Variants in PCGF3 observed in about 807,000 individuals in gnomAD.
PCGF3 encodes the protein polycomb group ring finger 3, also known as polycomb group RING finger protein 3.
PCGF3 carries 7 observed loss-of-function variants against 33.1 expected under a neutral mutation model. That is an observed-to-expected ratio of 0.21 (90% CI 0.12 to 0.40). The LOEUF is 0.40. PCGF3 is among the 10% of genes least tolerant of loss of function. The pLI, the probability that PCGF3 is intolerant of heterozygous loss-of-function variation, is 1.00. For synonymous variants in PCGF3, 153 were observed against 121.3 expected, an observed-to-expected ratio of 1.26 and a Z score of -1.72; for missense variants, 211 against 313.3, an observed-to-expected ratio of 0.67 and a Z score of 2.46.
In PCGF3 at chr4:734,327, C is replaced by G. The variant is rs537402695; in HGVS notation, c.109+538C>G. Reference sequence around the variant, plus strand: ...ACCTGAGGCCCCATGGCTGGCGGCCCTGCTGGTGTGGACGACCGCTGTGTG... The same window carrying G: ...ACCTGAGGCCCCATGGCTGGCGGCCGTGCTGGTGTGGACGACCGCTGTGTG... On this transcript the variant is annotated intron_variant, in intron 4 of 10. Coordinates refer to ENST00000362003, the Ensembl canonical transcript of PCGF3. 45 of 1,443,128 alleles carry G rather than the reference C, an allele frequency of 3.1e-5. No individual in the cohort carries two copies. The South Asian group carries it at 5.1e-4, about 16-fold the overall frequency. The allele number at this position is 1,443,128 out of a possible 1,614,324, so 89.4% of individuals were successfully genotyped here.
In PCGF3 at chr4:706,299, A is replaced by C. The variant is rs374801813; in HGVS notation, c.-190+329A>C. ...CCCAGGCAGGACTCCGGGAGGTCGA[A>C]GACCCCAGCCCAGGCAGGACCCAGG... On this transcript the variant is annotated intron_variant, in intron 1 of 10. Coordinates refer to ENST00000362003, the Ensembl canonical transcript of PCGF3. Among the ~76,000 whole-genome samples, 20 of 137,178 alleles carry C rather than the reference A, an allele frequency of 1.5e-4. No homozygotes were observed. In the East Asian group the frequency reaches 3.0e-3, roughly 20 times the overall value. 90.0% of individuals were successfully genotyped at this position (137,178 alleles called of 152,430 possible). A position where few individuals can be genotyped will look rare whatever the true frequency, so the allele number is the denominator to read the frequency against.
exon 11 of PCGF3, chr4:766,412 A>AAAATCTGAATTCACTTCAG (rs1745376281): frequency 4.3e-6 from 1 of 231,328 alleles, no homozygotes; most frequent in Non-Finnish European, 8.4e-6. Context: ...CCAGGTCTTG[A>AAAATCTGAATTCACTTCAG]AAATCTGAAT....
At chr4:754,252 T>C (rs917864532) in intron 8 of PCGF3, among the ~76,000 whole-genome samples, 2 of 152,196 alleles carry the variant, frequency 1.3e-5, no homozygotes, top group African/African-American at 4.8e-5. Context: ...CTCTTGTGTC[T>C]GGAGCTGGAA....
intron 1 of PCGF3, among the ~76,000 whole-genome samples, chr4:716,994 G>A (rs1157074668): frequency 2.1e-5 from 3 of 144,092 alleles, no homozygotes; most frequent in East Asian, 2.1e-4. Flanking sequence ...TAGACACTGA[G>A]GGTGAGAACT....
At chr4:733,832 C>A in intron 4 of PCGF3, 43 bp downstream of exon 4, 1 of 1,613,484 alleles carries the variant, frequency 6.2e-7, no homozygotes, top group Non-Finnish European at 8.5e-7. Flanking sequence ...CGCGCCCTTC[C>A]CAGCTCTGTG....
chr4:707,225 G>A (rs1011341069), intron 1 of PCGF3, among the ~76,000 whole-genome samples: 1 of 151,974 alleles, frequency 6.6e-6, no homozygotes, highest in Non-Finnish European at 1.5e-5. Context: ...GCCCGGGGGG[G>A]CTAGGACCCT....
chr4:733,761 C>T, exon 4 of PCGF3: 1 of 1,613,616 alleles, frequency 6.2e-7, no homozygotes, highest in Non-Finnish European at 8.5e-7. Context: ...TCATCGACGC[C>T]ACCACGGTGA....
exon 11 of PCGF3, chr4:767,663 C>T (rs1745441129): frequency 6.6e-6 from 1 of 152,212 alleles, no homozygotes. Flanking sequence ...GAGTGATTGT[C>T]AGTGTAAGGC....
intron 8 of PCGF3, among the ~76,000 whole-genome samples, chr4:748,433 G>A (rs372818835): frequency 1.2e-4 from 19 of 152,250 alleles, no homozygotes; most frequent in South Asian, 1.0e-3. Context: ...CTTCTGGCCC[G>A]CCTCAGCCTC....
intron 1 of PCGF3, among the ~76,000 whole-genome samples, chr4:730,377 C>G (rs1225245295): frequency 6.6e-6 from 1 of 152,204 alleles, no homozygotes; most frequent in East Asian, 1.9e-4. Flanking sequence ...GCTGCCCCCC[C>G]ACCCCCGTGG....
In PCGF3 at chr4:735,121, C is replaced by T. The variant is rs1743772284; in HGVS notation, c.206+94C>T. ...TTCCCAGGCCATTAGCGCTGTACTC[C>T]CATCCTGCCTTGGCAGCAGCCTCTC... On this transcript the variant is annotated intron_variant, in intron 5 of 10. Coordinates refer to ENST00000362003, the Ensembl canonical transcript of PCGF3. The T allele has an allele frequency of 2.2e-6, 3 of 1,362,034 alleles. No individual in the cohort carries two copies. The South Asian group carries it at 4.1e-5, about 18-fold the overall frequency. 84.4% of individuals were successfully genotyped at this position (1,362,034 alleles called of 1,614,324 possible). A position where few individuals can be genotyped will look rare whatever the true frequency, so the allele number is the denominator to read the frequency against.
At chr4:732,793 G>A (rs992620848) in intron 3 of PCGF3, among the ~76,000 whole-genome samples, 12 of 152,228 alleles carry the variant, frequency 7.9e-5, no homozygotes, top group African/African-American at 2.4e-5. Flanking sequence ...TGTGGGGAGC[G>A]AAGTCCCAGT....
At chr4:729,789 G>A (rs572374587) in intron 1 of PCGF3, among the ~76,000 whole-genome samples, 8 of 152,342 alleles carry the variant, frequency 5.3e-5, no homozygotes, top group Non-Finnish European at 8.8e-5. Context: ...TACAAACGGG[G>A]TAGAAAATGA....
In PCGF3 at chr4:736,276, G is replaced by A. The variant is rs1015874672; in HGVS notation, c.207-1190G>A. On this transcript the variant is annotated intron_variant, in intron 5 of 10. Coordinates refer to ENST00000362003, the Ensembl canonical transcript of PCGF3. ...TTGGCCAGGCTGGTTTCAAACTCCT[G>A]ATCTCAGGTCATCTGCCCGCCTCAG... is the stretch of plus-strand genomic sequence containing the variant. Among the ~76,000 whole-genome samples, 8 of 152,126 alleles carry A rather than the reference G, an allele frequency of 5.3e-5. No homozygotes were observed. In the East Asian group the frequency reaches 1.4e-3, roughly 26 times the overall value.
At chr4:707,466 C>CT (rs1470419206) in intron 1 of PCGF3, among the ~76,000 whole-genome samples, 1 of 150,890 alleles carries the variant, frequency 6.6e-6, no homozygotes, top group African/African-American at 2.4e-5. Context: ...CCTGAGACAG[C>CT]CCTGTTTTCC....
intron 8 of PCGF3, among the ~76,000 whole-genome samples, chr4:748,920 G>C (rs576229920): frequency 5.3e-5 from 8 of 152,198 alleles, no homozygotes; most frequent in Admixed American, 2.0e-4. Context: ...GGGTCTGCTG[G>C]GTGGGCTGGT....
intron 4 of PCGF3, chr4:734,373 G>A (rs1285993932): frequency 5.7e-6 from 8 of 1,402,714 alleles, no homozygotes; most frequent in African/African-American, 4.3e-5. Flanking sequence ...TGGCTGGGGA[G>A]CATTTTGTTT....
rs751340110 is a variant in PCGF3, at chr4:721,341, C to A, written c.-189-9289C>A. Among the ~76,000 whole-genome samples, 3 of 152,108 alleles carry A rather than the reference C, an allele frequency of 2.0e-5. No individual in the cohort carries two copies. The highest frequency in any genetic ancestry group is 2.9e-5 in the Non-Finnish European group (2 of 68,014). The stretch of plus-strand genomic sequence containing the variant: ...CAAACAACAGAAACTTCAAGGCTGT[C>A]CTAAGATATGGGTGGCAGAAGAAAA... On this transcript the variant is annotated intron_variant, in intron 1 of 10. Transcript: ENST00000362003. The surrounding 1 kb of genome is among the most constrained non-coding windows in gnomAD (Gnocchi z 4.1).
In PCGF3 at chr4:756,141, T is replaced by A. The variant is rs1202588292; in HGVS notation, c.463-5138T>A. ...TGTTGATCAGGCTGGTCTTGAACTC[T>A]TAACCTCAGGTGATTCACCCGCCTC... On this transcript the variant is annotated intron_variant, in intron 8 of 10. Coordinates refer to ENST00000362003, the Ensembl canonical transcript of PCGF3. Among the ~76,000 whole-genome samples, 3 of 151,920 alleles carry A rather than the reference T, an allele frequency of 2.0e-5. No homozygotes were observed. The East Asian group carries it at 5.8e-4, about 29-fold the overall frequency.
Sources: allele counts gnomAD v4.1 joint callset (sites outside exome capture counted in the v4.1 genomes callset), GRCh38; gene constraint gnomAD v4.1.1; non-coding constraint Gnocchi (gnomAD v3.1); transcripts MANE v1.5; gene names NCBI Gene and HGNC (gene_info 2026-07-23, HGNC 2026-07-21).